ENOX1: variants seen among roughly 807,000 people sequenced by gnomAD.
ENOX1 encodes ecto-NOX disulfide-thiol exchanger 1, also known as candidate growth-related and time keeping constitutive hydroquinone (NADH) oxidase.
In ENOX1, 42 loss-of-function variants were observed where a neutral mutation model predicts 82.5. The ratio of observed to expected loss-of-function variants is 0.51; its 90% confidence interval spans 0.40 to 0.66. The LOEUF is 0.66. Ranked by LOEUF, ENOX1 falls within the 30% of genes least tolerant of loss-of-function variation. The probability of loss-of-function intolerance (pLI) is 0.00; values close to 1 mark genes in which losing one functional copy is unlikely to be tolerated. For missense variants in ENOX1, 608 were observed against 811.6 expected, an observed-to-expected ratio of 0.75 and a Z score of 3.05; for synonymous variants, 271 against 282.2, an observed-to-expected ratio of 0.96 and a Z score of 0.40.
chr13:43,379,014 C>G (rs1057335542), intron 5 of ENOX1, among the ~76,000 whole-genome samples: 1 of 151,996 alleles, frequency 6.6e-6, no homozygotes, highest in African/African-American at 2.4e-5. Context: ...GAATTCAACC[C>G]TCCATTACCA....
At chr13:43,310,586 C>A (rs1358918065) in intron 11 of ENOX1, among the ~76,000 whole-genome samples, 1 of 152,068 alleles carries the variant, frequency 6.6e-6, no homozygotes, top group Non-Finnish European at 1.5e-5. Context: ...CACTGATGAT[C>A]CAGCATCAAT....
At chr13:43,357,999 A>G (rs2025297) in intron 7 of ENOX1, among the ~76,000 whole-genome samples, 69,316 of 151,988 alleles carry the variant, frequency 0.46, 17,151 homozygotes, top group East Asian at 0.65. Context: ...CAGGTAGGGA[A>G]GCTGGAGGTG....
intron 6 of ENOX1, among the ~76,000 whole-genome samples, chr13:43,360,659 C>A (rs61950478): frequency 6.7e-6 from 1 of 148,882 alleles, no homozygotes; most frequent in Non-Finnish European, 1.5e-5. Context: ...ATTACTAAAG[C>A]AATCTCCTGA....
intron 3 of ENOX1, among the ~76,000 whole-genome samples, chr13:43,422,371 TA>T (rs1247273168): frequency 3.3e-5 from 5 of 152,158 alleles, no homozygotes; most frequent in African/African-American, 4.8e-5. Flanking sequence ...TGTACAGTAC[TA>T]AAGAAGTGAA....
chr13:43,465,159 TA>T (rs2057663608), intron 3 of ENOX1, among the ~76,000 whole-genome samples: 1 of 152,190 alleles, frequency 6.6e-6, no homozygotes, highest in African/African-American at 2.4e-5. Flanking sequence ...AAGCCAGTCA[TA>T]AATCCAGCCC....
At chr13:43,699,021 C>T (rs1188484919) in intron 1 of ENOX1, among the ~76,000 whole-genome samples, 1 of 152,184 alleles carries the variant, frequency 6.6e-6, no homozygotes, top group Non-Finnish European at 1.5e-5. Flanking sequence ...ATGACTGCCT[C>T]ATAACTTGGG....
rs375233004 is a variant in ENOX1, at chr13:43,531,273, T to C, written c.-218-47121A>G. ...TTGAAAAGTGGGTGAAGGATATGAA[T>C]AGACACTTCTCAAAAGAAGACATTT... On this transcript the variant is annotated intron_variant, in intron 2 of 16. Transcript: ENST00000690772. 3.9e-4 allele frequency among the ~76,000 whole-genome samples: 59 copies of C among 151,864 alleles called. 2 individuals carry two copies. The highest frequency in any genetic ancestry group is 2.9e-3 in the East Asian group (15 of 5,160).
At chr13:43,411,235 CTT>C (rs1390153122) in intron 5 of ENOX1, among the ~76,000 whole-genome samples, 1 of 152,136 alleles carries the variant, frequency 6.6e-6, no homozygotes, top group African/African-American at 2.4e-5. Flanking sequence ...TTCAAAGACA[CTT>C]ATATACATAT....
At chr13:43,272,666 C>T (rs986817131) in intron 12 of ENOX1, among the ~76,000 whole-genome samples, 2 of 152,028 alleles carry the variant, frequency 1.3e-5, no homozygotes, top group South Asian at 2.1e-4. Flanking sequence ...TCTGACTCTC[C>T]ATTAACATTA....
At position 43,419,713 on chromosome 13, in the gene ENOX1, T is replaced by C. The variant is rs1027680346; in HGVS notation, c.-74-6725A>G. Among the ~76,000 whole-genome samples the C allele has an allele frequency of 2.0e-5, 3 of 152,234 alleles. No homozygotes were observed. The East Asian group carries it at 5.8e-4, about 29-fold the overall frequency. On this transcript the variant is annotated intron_variant, in intron 3 of 16. Transcript: ENST00000690772. The stretch of plus-strand genomic sequence containing the variant: ...CAGGCCAGGCACGGTGGCTCATGCC[T>C]GTAATGCCAGCACTTTGGGAGGCCG...
chr13:43,786,726 A>AGCCTCGGCGTCCTCCTC lies in ENOX1; in HGVS notation c.-376_-360dup, dbSNP rs1302948980. On this transcript the variant is annotated 5_prime_UTR_variant, in exon 1 of 17. Transcript: ENST00000690772. The surrounding 1 kb of genome is among the most constrained non-coding windows in gnomAD (Gnocchi z 6.0). The stretch of plus-strand genomic sequence containing the variant: ...CGCCGGGCGCGGCGCGGCTCCTCCT[A>AGCCTCGGCGTCCTCCTC]GCCTCGGCGTCCTCCTCCTCCTTTG... The AGCCTCGGCGTCCTCCTC allele has an allele frequency of 6.6e-6, 1 of 152,028 alleles. No homozygotes were observed. 9.4% of individuals were successfully genotyped at this position (152,028 alleles called of 1,614,324 possible). A position where few individuals can be genotyped will look rare whatever the true frequency, so the allele number is the denominator to read the frequency against.
At chr13:43,690,654 G>A (rs990615171) in intron 1 of ENOX1, among the ~76,000 whole-genome samples, 6 of 152,150 alleles carry the variant, frequency 3.9e-5, no homozygotes, top group South Asian at 2.1e-4. Context: ...GAAAAACTCC[G>A]CAAGCAGCAT....
chr13:43,506,409 A>G (rs2077164953), intron 2 of ENOX1, among the ~76,000 whole-genome samples: 1 of 150,334 alleles, frequency 6.7e-6, no homozygotes, highest in Non-Finnish European at 1.5e-5. Flanking sequence ...TAGTTCAACC[A>G]TTGTGGAAGT....
intron 2 of ENOX1, among the ~76,000 whole-genome samples, chr13:43,617,231 C>T (rs754297913): frequency 2.0e-5 from 3 of 152,068 alleles, no homozygotes; most frequent in Non-Finnish European, 4.4e-5. Flanking sequence ...CTGGGCATTC[C>T]GTGTGTTTCT....
intron 2 of ENOX1, among the ~76,000 whole-genome samples, chr13:43,580,216 G>C (rs1031229185): frequency 3.9e-5 from 6 of 152,132 alleles, no homozygotes; most frequent in Admixed American, 3.3e-4. Flanking sequence ...TCAGTTAAAT[G>C]ACATTCTACT....
At chr13:43,660,909 C>T (rs572088164) in intron 2 of ENOX1, among the ~76,000 whole-genome samples, 2 of 152,286 alleles carry the variant, frequency 1.3e-5, no homozygotes, top group Admixed American at 1.3e-4. Flanking sequence ...AAAAAAAGCT[C>T]TTCTGCTTAC....
intron 2 of ENOX1, among the ~76,000 whole-genome samples, chr13:43,512,689 C>T (rs1334192410): frequency 6.7e-6 from 1 of 150,120 alleles, no homozygotes; most frequent in Non-Finnish European, 1.5e-5. Context: ...TCACACTTTG[C>T]CTTCCATATT....
intron 8 of ENOX1, 93 bp from the exon 9 acceptor site, chr13:43,344,843 C>A (rs1000582982): frequency 1.3e-5 from 16 of 1,228,802 alleles, no homozygotes; most frequent in Admixed American, 2.1e-5. Flanking sequence ...ATAGTCCAAC[C>A]TAGTGGATAT....
chr13:43,500,382 A>T (rs1331194736), intron 2 of ENOX1, among the ~76,000 whole-genome samples: 2 of 152,120 alleles, frequency 1.3e-5, no homozygotes, highest in East Asian at 3.9e-4. Flanking sequence ...CTATTAGCAG[A>T]TTTTTCAGCA....
Sources: gnomAD v4.1 joint callset for allele counts (sites outside exome capture counted in the v4.1 genomes callset) on GRCh38, gnomAD v4.1.1 for gene constraint, Gnocchi (gnomAD v3.1) non-coding constraint, MANE v1.5 for transcripts, NCBI Gene and HGNC (gene_info 2026-07-23, HGNC 2026-07-21) for gene names.